Variants in MARCHF10 observed in about 807,000 individuals in gnomAD.
MARCHF10 encodes the protein membrane associated ring-CH-type finger 10, also known as probable E3 ubiquitin-protein ligase MARCHF10.
MARCHF10 carries 64 observed loss-of-function variants against 76.2 expected under a neutral mutation model. The observed-to-expected ratio is 0.84, with a 90% confidence interval of 0.69 to 1.03. The LOEUF is 1.03. Ranked by LOEUF, MARCHF10 falls within the 50% of genes least tolerant of loss-of-function variation. The pLI is 0.00. For missense variants in MARCHF10, 875 were observed against 958.0 expected (o/e 0.91, Z 1.14); for synonymous variants, 340 against 357.5 (o/e 0.95, Z 0.55).
intron 3 of MARCHF10, among the ~76,000 whole-genome samples, chr17:62,773,056 T>C (rs899657200): frequency 1.3e-5 from 2 of 152,134 alleles, no homozygotes; most frequent in East Asian, 3.9e-4. Context: ...TCTAGGGAGT[T>C]CACCATGCGG....
intron 1 of MARCHF10, among the ~76,000 whole-genome samples, 198 bp downstream of exon 1, chr17:62,807,879 C>CAAAG (rs1034227923): frequency 3.9e-5 from 6 of 152,216 alleles, no homozygotes; most frequent in Non-Finnish European, 7.3e-5. Context: ...TGCCAGTGAG[C>CAAAG]AAAGGTTCAC....
In MARCHF10 at chr17:62,701,702, G is replaced by C; in HGVS notation, c.*1C>G. 1 of 1,614,128 alleles carries C rather than the reference G, an allele frequency of 6.2e-7. No individual in the cohort carries two copies. The highest frequency in any genetic ancestry group is 1.7e-5 in the Admixed American group (1 of 60,036). On this transcript the variant is annotated 3_prime_UTR_variant, in exon 11 of 11. Transcript: ENST00000311269. ...GCCGAGCTCCACAGTTGGCTTCCTT[G>C]CTAGACGACCTGGCTTTGAGAAATG...
chr17:62,756,256 C>G (rs2092039565), intron 4 of MARCHF10, among the ~76,000 whole-genome samples: 1 of 151,950 alleles, frequency 6.6e-6, no homozygotes, highest in African/African-American at 2.4e-5. Context: ...CTCAAAACAA[C>G]AACAACAACA....
intron 3 of MARCHF10, among the ~76,000 whole-genome samples, chr17:62,766,507 G>A (rs4968634): frequency 0.69 from 103,951 of 151,072 alleles, 36,799 homozygotes; most frequent in African/African-American, 0.88. Context: ...TCTCAAAAAA[G>A]AAAAGAAAAG....
chr17:62,755,613 A>G (rs368058261), intron 4 of MARCHF10, among the ~76,000 whole-genome samples: 28 of 152,228 alleles, frequency 1.8e-4, no homozygotes, highest in African/African-American at 6.0e-4. Context: ...AGCGTTCATG[A>G]TGTGGGATTT....
chr17:62,777,715 AAAAAAAAAAAAAG>A (rs1413530411), intron 3 of MARCHF10, among the ~76,000 whole-genome samples: 6 of 147,114 alleles, frequency 4.1e-5, no homozygotes, highest in Non-Finnish European at 6.0e-5. Flanking sequence ...CTCCATCTCA[AAAAAAAAAAAAAG>A]AAAAAAAAAA....
At chr17:62,723,495 T>C (rs1195555385) in intron 7 of MARCHF10, among the ~76,000 whole-genome samples, 3 of 149,196 alleles carry the variant, frequency 2.0e-5, no homozygotes, top group East Asian at 2.0e-4. Flanking sequence ...CAGTAAATAA[T>C]AGAGACTTTC....
At chr17:62,709,325 C>T (rs1036433660) in intron 9 of MARCHF10, among the ~76,000 whole-genome samples, 2 of 152,068 alleles carry the variant, frequency 1.3e-5, no homozygotes, top group African/African-American at 2.4e-5. Context: ...ACTAAAAATA[C>T]ACAAATTAGC....
chr17:62,781,222 G>C (rs1408229951), intron 3 of MARCHF10, among the ~76,000 whole-genome samples: 1 of 152,176 alleles, frequency 6.6e-6, no homozygotes, highest in Non-Finnish European at 1.5e-5. Context: ...CTGGGACTGG[G>C]CTGAGGGATT....
At chr17:62,771,945 A>G (rs1444529121) in intron 3 of MARCHF10, among the ~76,000 whole-genome samples, 2 of 152,160 alleles carry the variant, frequency 1.3e-5, no homozygotes, top group Non-Finnish European at 1.5e-5. Context: ...GAGTGTGAAC[A>G]CTGGTTAGGA....
chr17:62,779,502 G>C (rs1190808505), intron 3 of MARCHF10, among the ~76,000 whole-genome samples: 2 of 152,142 alleles, frequency 1.3e-5, no homozygotes, highest in African/African-American at 4.8e-5. Context: ...GACACGATAG[G>C]ATGAATCAAT....
chr17:62,747,847 A>G lies in MARCHF10; in HGVS notation c.383-3319T>C, dbSNP rs78178212. ...CAAAAGGCAAATAGCAACTCTTTAT[A>G]TTATGATTTGTTCAACAAATACCTG... is the stretch of plus-strand genomic sequence containing the variant. On this transcript the variant is annotated intron_variant, in intron 4 of 10. Coordinates refer to ENST00000311269, the MANE Select transcript of MARCHF10 (RefSeq NM_152598.4). 6.3e-3 allele frequency among the ~76,000 whole-genome samples: 963 copies of G among 152,266 alleles called. 17 individuals are homozygous for G. The highest frequency in any genetic ancestry group is 0.022 in the African/African-American group (916 of 41,554).
At chr17:62,739,102 C>A (rs949488560) in intron 5 of MARCHF10, among the ~76,000 whole-genome samples, 15 of 152,258 alleles carry the variant, frequency 9.9e-5, no homozygotes, top group Admixed American at 7.2e-4. Flanking sequence ...AGTTCAAGAC[C>A]AGCCTAGACA....
chr17:62,769,524 G>A (rs181564281), intron 3 of MARCHF10, among the ~76,000 whole-genome samples: 93 of 152,162 alleles, frequency 6.1e-4, no homozygotes, highest in African/African-American at 2.2e-3. Flanking sequence ...TTCAATTCTT[G>A]TGCCTCAATC....
chr17:62,790,124 T>C lies in MARCHF10; in HGVS notation c.91-1525A>G, dbSNP rs182954468. ...TACTAGGACTGAACAAACCTGAGGATATCATGTACTATGGAAATTTCAACT... is the reference window on the plus strand; with the variant it reads ...TACTAGGACTGAACAAACCTGAGGACATCATGTACTATGGAAATTTCAACT... On this transcript the variant is annotated intron_variant, in intron 2 of 10. Transcript: ENST00000311269. Among the ~76,000 whole-genome samples the C allele has an allele frequency of 2.0e-5, 3 of 152,226 alleles. No homozygotes were observed. In the East Asian group the frequency reaches 5.8e-4, roughly 29 times the overall value.
intron 6 of MARCHF10, among the ~76,000 whole-genome samples, chr17:62,734,049 T>C (rs1271579878): frequency 1.3e-5 from 2 of 151,934 alleles, no homozygotes; most frequent in Admixed American, 1.3e-4. Flanking sequence ...CTGGGCATGG[T>C]GGTGTGGGCC....
At chr17:62,775,686 A>C (rs2092540855) in intron 3 of MARCHF10, among the ~76,000 whole-genome samples, 1 of 152,146 alleles carries the variant, frequency 6.6e-6, no homozygotes, top group African/African-American at 2.4e-5. Flanking sequence ...ATAAAAACAA[A>C]ATAAAAGAGT....
intron 3 of MARCHF10, among the ~76,000 whole-genome samples, chr17:62,761,257 G>C (rs113201907): frequency 6.6e-6 from 1 of 152,000 alleles, no homozygotes; most frequent in African/African-American, 2.4e-5. Flanking sequence ...TTGTTTCTCC[G>C]CACAATTTCA....
intron 7 of MARCHF10, 61 bp downstream of exon 7, chr17:62,724,877 C>T (rs1237982050): frequency 2.0e-5 from 31 of 1,584,208 alleles, no homozygotes; most frequent in East Asian, 6.9e-5. Flanking sequence ...GGGCCCACAC[C>T]GTGGTGCCTC....
Sources: gnomAD v4.1 joint callset for allele counts (sites outside exome capture counted in the v4.1 genomes callset) on GRCh38, gnomAD v4.1.1 for gene constraint, MANE v1.5 for transcripts, NCBI Gene and HGNC (gene_info 2026-07-23, HGNC 2026-07-21) for gene names.